Variants in PDSS2 observed in about 807,000 individuals in gnomAD.
PDSS2 encodes the protein decaprenyl diphosphate synthase subunit 2.
Under a neutral mutation model 44.5 loss-of-function variants are expected in PDSS2, and 31 were observed. That is an observed-to-expected ratio of 0.70 (90% confidence interval 0.52 to 0.94). The LOEUF is 0.94. Ranked by LOEUF, PDSS2 falls within the 40% of genes least tolerant of loss-of-function variation. The pLI is 0.00. For missense variants in PDSS2, 452 were observed against 482.2 expected, an observed-to-expected ratio of 0.94 and a Z score of 0.59; for synonymous variants, 157 against 180.3, an observed-to-expected ratio of 0.87 and a Z score of 1.03.
chr6:107,269,370 GT>G (rs1775521224), intron 3 of PDSS2, among the ~76,000 whole-genome samples: 2 of 151,378 alleles, frequency 1.3e-5, no homozygotes, highest in African/African-American at 4.9e-5. Context: ...GTGTGTGTGT[GT>G]GTGTGCAATT....
intron 1 of PDSS2, among the ~76,000 whole-genome samples, chr6:107,336,460 T>G (rs1235250902): frequency 2.0e-5 from 3 of 152,120 alleles, no homozygotes; most frequent in Admixed American, 6.5e-5. Flanking sequence ...GGGTTTAAAC[T>G]GATTTTTAAA....
At chr6:107,425,585 G>A (rs1583068312) in intron 1 of PDSS2, among the ~76,000 whole-genome samples, 2 of 152,220 alleles carry the variant, frequency 1.3e-5, no homozygotes, top group African/African-American at 4.8e-5. Flanking sequence ...AAGCATTCAA[G>A]GGATGACTTG....
chr6:107,345,860 G>A (rs1052469877), intron 1 of PDSS2, among the ~76,000 whole-genome samples: 1 of 152,130 alleles, frequency 6.6e-6, no homozygotes, highest in Non-Finnish European at 1.5e-5. Flanking sequence ...GAGGAAATCG[G>A]AAGTGACAGT....
chr6:107,210,557 A>T lies in PDSS2; in HGVS notation c.890T>A (p.Val297Asp). 6.3e-7 allele frequency: 1 copy of T among 1,595,966 alleles called. No individual in the cohort carries two copies. The highest frequency in any genetic ancestry group is 1.1e-5 in the South Asian group (1 of 90,752). The change falls in exon 6 of 8, where the codon GTC becomes GAC. Residue 297 changes from valine to aspartate, a missense_variant. Val to Asp is a radical substitution (Grantham distance 152). Transcript: ENST00000369037. ...GGTCTTTTCTTTAATAAAAGGCTGGACATCAGAATTTATCTACAAGAAGCA... is the reference window on the plus strand; with the variant it reads ...GGTCTTTTCTTTAATAAAAGGCTGGTCATCAGAATTTATCTACAAGAAGCA... ...MAMSHKINSD[V>D]QPFIKEKTSD...
chr6:107,314,398 A>T (rs1777138891), intron 2 of PDSS2, among the ~76,000 whole-genome samples: 1 of 152,024 alleles, frequency 6.6e-6, no homozygotes, highest in South Asian at 2.1e-4. Context: ...CTAAAAATAT[A>T]TTTTTTTCTT....
chr6:107,231,555 C>G (rs183827435), intron 4 of PDSS2, among the ~76,000 whole-genome samples: 6 of 152,324 alleles, frequency 3.9e-5, no homozygotes, highest in Non-Finnish European at 7.3e-5. Context: ...ATCCTATTCA[C>G]AGCTTCTACA....
At chr6:107,344,873 C>T (rs537827194) in intron 1 of PDSS2, among the ~76,000 whole-genome samples, 2 of 152,152 alleles carry the variant, frequency 1.3e-5, no homozygotes, top group African/African-American at 4.8e-5. Flanking sequence ...CAAAGATTTC[C>T]CCACTGAAAT....
At chr6:107,305,496 TG>T (rs1183215519) in intron 2 of PDSS2, among the ~76,000 whole-genome samples, 3 of 152,226 alleles carry the variant, frequency 2.0e-5, no homozygotes, top group Non-Finnish European at 2.9e-5. Context: ...TTCTATCACA[TG>T]TAGAATCTTA....
chr6:107,184,557 T>C (rs79726262), intron 7 of PDSS2, among the ~76,000 whole-genome samples: 1 of 152,226 alleles, frequency 6.6e-6, no homozygotes, highest in African/African-American at 2.4e-5. Context: ...CATTACTGTT[T>C]GCTGGTGGGA....
At chr6:107,211,984 A>AC in intron 5 of PDSS2, 125 bp downstream of exon 5, 1 of 795,578 alleles carries the variant, frequency 1.3e-6, no homozygotes, top group Non-Finnish European at 2.2e-6. Context: ...TCCAGGACTG[A>AC]CAGATTTGAA....
chr6:107,274,481 T>C (rs1484193208), intron 2 of PDSS2, among the ~76,000 whole-genome samples: 1 of 152,164 alleles, frequency 6.6e-6, no homozygotes, highest in African/African-American at 2.4e-5. Flanking sequence ...CAGACAGAAG[T>C]TGACCAGTGG....
intron 1 of PDSS2, 146 bp downstream of exon 1, chr6:107,458,844 G>A: frequency 1.4e-6 from 1 of 697,292 alleles, no homozygotes; most frequent in Non-Finnish European, 2.5e-6. Context: ...GAGACAACAC[G>A]GAATGTCTAG....
chr6:107,234,845 G>A lies in PDSS2; in HGVS notation c.702+10703C>T, dbSNP rs186728609. The stretch of plus-strand genomic sequence containing the variant: ...TGCAATAGCACCATAAAATTTATAG[G>A]AGGGAAATGTTTTATTTGTTATTTT... On this transcript the variant is annotated intron_variant, in intron 4 of 7. Coordinates refer to ENST00000369037, the MANE Select transcript of PDSS2 (RefSeq NM_020381.4). 1.8e-3 allele frequency among the ~76,000 whole-genome samples: 268 copies of A among 152,228 alleles called. 2 individuals carry two copies. The highest frequency in any genetic ancestry group is 6.3e-3 in the African/African-American group (261 of 41,524).
At chr6:107,265,319 A>T (rs1582868059) in intron 3 of PDSS2, among the ~76,000 whole-genome samples, 1 of 152,208 alleles carries the variant, frequency 6.6e-6, no homozygotes, top group East Asian at 1.9e-4. Flanking sequence ...AAGTACAGAG[A>T]TAAACACATC....
At chr6:107,339,711 G>A (rs534834917) in intron 1 of PDSS2, among the ~76,000 whole-genome samples, 1 of 152,146 alleles carries the variant, frequency 6.6e-6, no homozygotes, top group African/African-American at 2.4e-5. Flanking sequence ...AAAAAAGGGG[G>A]AGTGGGAAGG....
intron 1 of PDSS2, among the ~76,000 whole-genome samples, chr6:107,345,664 A>G (rs1198863301): frequency 6.6e-6 from 1 of 152,116 alleles, no homozygotes; most frequent in Non-Finnish European, 1.5e-5. Context: ...GGGAGGGGGA[A>G]GAGCAAAGTG....
intron 5 of PDSS2, among the ~76,000 whole-genome samples, chr6:107,210,974 C>T (rs1365198949): frequency 1.4e-5 from 2 of 143,636 alleles, no homozygotes; most frequent in Non-Finnish European, 3.0e-5. Context: ...CCCCTCTGGG[C>T]GAGAGCAAAA....
intron 7 of PDSS2, among the ~76,000 whole-genome samples, chr6:107,183,999 CAAAA>C (rs1772078150): frequency 1.7e-5 from 1 of 59,710 alleles, no homozygotes; most frequent in Non-Finnish European, 3.7e-5. Context: ...AACTCTGTCT[CAAAA>C]CAAAACAAAA....
At chr6:107,240,453 C>T (rs1354725473) in intron 4 of PDSS2, among the ~76,000 whole-genome samples, 2 of 146,296 alleles carry the variant, frequency 1.4e-5, no homozygotes, top group African/African-American at 5.1e-5. Context: ...GGCTGGAGTG[C>T]AGTGGCTCAA....
Sources: allele counts gnomAD v4.1 joint callset (sites outside exome capture counted in the v4.1 genomes callset), GRCh38; gene constraint gnomAD v4.1.1; transcripts MANE v1.5; gene names NCBI Gene and HGNC (gene_info 2026-07-23, HGNC 2026-07-21).